STXBP6: variants seen among roughly 807,000 people sequenced by gnomAD.
STXBP6 encodes the protein syntaxin-binding protein 6.
In STXBP6, 21 loss-of-function variants were observed where a neutral mutation model predicts 26.9. The observed-to-expected ratio is 0.78, with a 90% CI of 0.55 to 1.12. The LOEUF (loss-of-function observed/expected upper bound fraction) is 1.12. STXBP6 is among the 50% of genes most tolerant of loss of function. The pLI is 0.00. For missense variants in STXBP6, 232 were observed against 257.9 expected (o/e 0.90, Z 0.69); for synonymous variants, 97 against 92.6 (o/e 1.05, Z -0.27).
intron 2 of STXBP6, among the ~76,000 whole-genome samples, chr14:24,946,110 T>C (rs2072980084): frequency 6.6e-6 from 1 of 152,246 alleles, no homozygotes; most frequent in African/African-American, 2.4e-5. Flanking sequence ...ATTCTTTATT[T>C]CAACAAGTCT....
chr14:24,882,842 C>T (rs1646170885), intron 2 of STXBP6, among the ~76,000 whole-genome samples: 1 of 152,142 alleles, frequency 6.6e-6, no homozygotes, highest in Non-Finnish European at 1.5e-5. Flanking sequence ...TTCAAATTTA[C>T]GTATCTAAAA....
intron 4 of STXBP6, among the ~76,000 whole-genome samples, chr14:24,831,979 T>C (rs1269854731): frequency 1.3e-5 from 2 of 152,162 alleles, no homozygotes; most frequent in African/African-American, 4.8e-5. Context: ...TAGAGCTCAG[T>C]GAGGTTTTCA....
chr14:24,955,733 T>C (rs1197794248), intron 2 of STXBP6, among the ~76,000 whole-genome samples: 2 of 152,080 alleles, frequency 1.3e-5, no homozygotes, highest in South Asian at 2.1e-4. Flanking sequence ...AAGTTCTCCA[T>C]GGAGACCAGC....
At chr14:25,039,708 C>CTT (rs375717992) in intron 1 of STXBP6, among the ~76,000 whole-genome samples, 6 of 140,078 alleles carry the variant, frequency 4.3e-5, no homozygotes, top group African/African-American at 7.8e-5. Flanking sequence ...AATCTGCATC[C>CTT]TTTTTTTTTT....
intron 4 of STXBP6, among the ~76,000 whole-genome samples, chr14:24,834,143 C>T (rs933998076): frequency 1.3e-5 from 2 of 152,126 alleles, no homozygotes; most frequent in Non-Finnish European, 2.9e-5. Context: ...TGCAGATGTG[C>T]ACCACCATAA....
At position 24,810,900 on chromosome 14, in the gene STXBP6, T is replaced by TGTGTGTGTGTGTGTGTGC. The variant is rs1474648802; in HGVS notation, c.*1808_*1809insGCACACACACACACACAC. On this transcript the variant is annotated 3_prime_UTR_variant, in exon 6 of 6. Transcript: ENST00000323944. ...GTGTGTGTGTGTGTGTGTGTGTGTG[T>TGTGTGTGTGTGTGTGTGC]GCATTCTGAACTGAGATCTGCAAAC... 10 of 152,092 alleles carry TGTGTGTGTGTGTGTGTGC rather than the reference T, an allele frequency of 6.6e-5. No homozygotes were observed. The highest frequency in any genetic ancestry group is 1.9e-4 in the African/African-American group (8 of 41,318). 9.4% of individuals were successfully genotyped at this position (152,092 alleles called of 1,614,324 possible).
chr14:24,852,259 A>T (rs2069182084), intron 4 of STXBP6, among the ~76,000 whole-genome samples: 1 of 152,168 alleles, frequency 6.6e-6, no homozygotes, highest in Admixed American at 6.6e-5. Flanking sequence ...AAAGAGGAGG[A>T]CCATCTGAAC....
intron 2 of STXBP6, among the ~76,000 whole-genome samples, chr14:24,930,743 C>T (rs1014988856): frequency 1.3e-5 from 2 of 152,092 alleles, no homozygotes; most frequent in African/African-American, 2.4e-5. Context: ...TATTACACTG[C>T]TATTTTAATA....
At chr14:24,955,271 A>G (rs2146917) in intron 2 of STXBP6, among the ~76,000 whole-genome samples, 34,400 of 151,846 alleles carry the variant, frequency 0.23, 3,982 homozygotes, top group South Asian at 0.35. Flanking sequence ...AGAGTGATCA[A>G]CCTCCTGGGG....
At chr14:24,839,152 T>C (rs916083632) in intron 4 of STXBP6, among the ~76,000 whole-genome samples, 4 of 152,070 alleles carry the variant, frequency 2.6e-5, no homozygotes, top group Non-Finnish European at 4.4e-5. Context: ...CCGCCTGCCC[T>C]CCTTCTGTTC....
chr14:24,923,100 A>T (rs2072039024), intron 2 of STXBP6, among the ~76,000 whole-genome samples: 2 of 152,138 alleles, frequency 1.3e-5, no homozygotes, highest in Non-Finnish European at 2.9e-5. Context: ...TATTTGTGAC[A>T]TTACCCCTGC....
At chr14:24,959,241 G>A (rs188972438) in intron 2 of STXBP6, among the ~76,000 whole-genome samples, 5 of 152,302 alleles carry the variant, frequency 3.3e-5, no homozygotes, top group Non-Finnish European at 7.4e-5. Flanking sequence ...TCGCTCTGAG[G>A]AACTGTGTTT....
At chr14:25,046,663 T>C (rs2075732653) in intron 1 of STXBP6, among the ~76,000 whole-genome samples, 1 of 152,190 alleles carries the variant, frequency 6.6e-6, no homozygotes, top group Non-Finnish European at 1.5e-5. Flanking sequence ...GGAACCCTCC[T>C]GACTCAAGCA....
At chr14:24,973,488 C>A (rs1019466180) in intron 2 of STXBP6, among the ~76,000 whole-genome samples, 1 of 147,440 alleles carries the variant, frequency 6.8e-6, no homozygotes, top group African/African-American at 2.5e-5. Flanking sequence ...TGGGTTCAAG[C>A]AATTCTCCTG....
chr14:25,011,860 C>A (rs1271330580), intron 1 of STXBP6, among the ~76,000 whole-genome samples: 1 of 152,216 alleles, frequency 6.6e-6, no homozygotes, highest in African/African-American at 2.4e-5. Context: ...ACGAATTCCA[C>A]AGGCAAGGCA....
intron 2 of STXBP6, among the ~76,000 whole-genome samples, chr14:24,963,444 C>T (rs997298898): frequency 6.6e-6 from 1 of 152,072 alleles, no homozygotes; most frequent in South Asian, 2.1e-4. Flanking sequence ...TGCAGTGTAG[C>T]GTAAGGTCTA....
chr14:24,914,837 A>T (rs2071702484), intron 2 of STXBP6, among the ~76,000 whole-genome samples: 1 of 152,230 alleles, frequency 6.6e-6, no homozygotes, highest in African/African-American at 2.4e-5. Flanking sequence ...TATTTCACTC[A>T]TACATTTCCA....
intron 2 of STXBP6, among the ~76,000 whole-genome samples, chr14:24,969,857 G>C (rs1001186998): frequency 2.6e-5 from 4 of 152,170 alleles, no homozygotes; most frequent in Admixed American, 1.3e-4. Context: ...TGCCTATAAA[G>C]GAGAGGATTA....
At chr14:24,928,947 C>T (rs2072281356) in intron 2 of STXBP6, among the ~76,000 whole-genome samples, 1 of 141,996 alleles carries the variant, frequency 7.0e-6, no homozygotes, top group South Asian at 2.2e-4. Flanking sequence ...AACACAGGCA[C>T]TAGATTAAAA....
Sources: allele counts gnomAD v4.1 joint callset (sites outside exome capture counted in the v4.1 genomes callset), GRCh38; gene constraint gnomAD v4.1.1; transcripts MANE v1.5; gene names NCBI Gene and HGNC (gene_info 2026-07-23, HGNC 2026-07-21).